The following JMJD1C variants were observed in gnomAD, a reference collection of about 807,000 sequenced individuals.
The protein encoded by JMJD1C is jumonji domain-containing protein 1C.
JMJD1C carries 31 observed loss-of-function variants against 245.3 expected under a neutral mutation model. The ratio of observed to expected loss-of-function variants is 0.13; its 90% CI spans 0.09 to 0.17. The LOEUF (loss-of-function observed/expected upper bound fraction) is 0.17. Among genes scored for constraint, JMJD1C ranks in the 10% least tolerant of loss-of-function variants. The pLI is 1.00. For synonymous variants in JMJD1C, 1,057 were observed against 1,017.4 expected, an observed-to-expected ratio of 1.04 and a Z score of -0.74; for missense variants, 2,691 against 3,000.2, an observed-to-expected ratio of 0.90 and a Z score of 2.41.
chr10:63,308,347 T>A (rs754554739), intron 2 of JMJD1C, among the ~76,000 whole-genome samples: 4 of 152,128 alleles, frequency 2.6e-5, no homozygotes, highest in Non-Finnish European at 5.9e-5. Flanking sequence ...TACTGGAGTT[T>A]GACCCACAAA....
chr10:63,225,780 C>CAAA (rs36089482), intron 3 of JMJD1C, among the ~76,000 whole-genome samples: 1 of 94,638 alleles, frequency 1.1e-5, no homozygotes, highest in Non-Finnish European at 2.3e-5. Flanking sequence ...ACTGCATCTC[C>CAAA]AAAAAAAAAA....
intron 1 of JMJD1C, among the ~76,000 whole-genome samples, chr10:63,484,658 C>G (rs1185798885): frequency 6.6e-6 from 1 of 151,434 alleles, no homozygotes; most frequent in African/African-American, 2.4e-5. Context: ...AAAAAAAAGG[C>G]AAGAATAGAT....
chr10:63,357,851 ACAC>A, intron 2 of JMJD1C, among the ~76,000 whole-genome samples: 1 of 149,206 alleles, frequency 6.7e-6, no homozygotes, highest in Non-Finnish European at 1.5e-5. Flanking sequence ...ACACACACAC[ACAC>A]ACACACACAC....
In JMJD1C at chr10:63,343,366, C is replaced by CA. The variant is rs1186173323; in HGVS notation, c.333+36951dup. ...GGGTGACAAGAGTGAAACTCCATCT[C>CA]AAAAAAAAAACAAAAAAAAAAACAG... is the stretch of plus-strand genomic sequence containing the variant. On this transcript the variant is annotated intron_variant, in intron 2 of 25. Transcript: ENST00000399262. Among the ~76,000 whole-genome samples, 277 of 104,440 alleles carry CA rather than the reference C, an allele frequency of 2.7e-3. 3 individuals are homozygous for CA. In the East Asian group the frequency reaches 0.047, roughly 18 times the overall value. The allele number at this position is 104,440 out of a possible 152,430, so 68.5% of individuals were successfully genotyped here. A position where few individuals can be genotyped will look rare whatever the true frequency, so the allele number is the denominator to read the frequency against.
At chr10:63,293,582 T>C (rs947058544) in intron 2 of JMJD1C, among the ~76,000 whole-genome samples, 2 of 152,166 alleles carry the variant, frequency 1.3e-5, no homozygotes, top group Non-Finnish European at 2.9e-5. Context: ...CTTCAGGTCA[T>C]CCTACTTTTA....
chr10:63,310,368 A>G (rs182963687), intron 2 of JMJD1C, among the ~76,000 whole-genome samples: 25 of 152,354 alleles, frequency 1.6e-4, no homozygotes, highest in Admixed American at 1.2e-3. Flanking sequence ...TTGCCTTGCC[A>G]GATAGCAAGA....
At chr10:63,476,945 G>T (rs1252805209) in intron 1 of JMJD1C, among the ~76,000 whole-genome samples, 2 of 151,886 alleles carry the variant, frequency 1.3e-5, no homozygotes, top group African/African-American at 4.8e-5. Context: ...CATCACTACA[G>T]ATTCTACAAA....
In JMJD1C at chr10:63,202,573, C is replaced by T. The variant is rs148037004; in HGVS notation, c.5075-1896G>A. ...AATCAGGTCCAATTATTAAGCACTT[C>T]TGAATTGCTGCCTCGTTCTTTACAA... On this transcript the variant is annotated intron_variant, in intron 10 of 25. Coordinates refer to ENST00000399262, the MANE Select transcript of JMJD1C (RefSeq NM_032776.3). 5 of 985,408 alleles carry T rather than the reference C, an allele frequency of 5.1e-6. No homozygotes were observed. The East Asian group carries it at 5.7e-4, about 112-fold the overall frequency. 61.0% of individuals were successfully genotyped at this position (985,408 alleles called of 1,614,324 possible).
intron 1 of JMJD1C, among the ~76,000 whole-genome samples, chr10:63,447,474 A>AT (rs1484179557): frequency 2.0e-5 from 3 of 152,202 alleles, no homozygotes; most frequent in African/African-American, 7.2e-5. Flanking sequence ...AAACTTCAAC[A>AT]TATTCTAGAC....
intron 3 of JMJD1C, chr10:63,223,060 C>T: frequency 9.7e-7 from 1 of 1,025,878 alleles, no homozygotes; most frequent in Non-Finnish European, 1.5e-6. Flanking sequence ...TGGTATATGT[C>T]TTCCACTTTC....
At chr10:63,326,542 G>A (rs1465123787) in intron 2 of JMJD1C, among the ~76,000 whole-genome samples, 1 of 151,984 alleles carries the variant, frequency 6.6e-6, no homozygotes, top group Non-Finnish European at 1.5e-5. Context: ...ACTGGTGGAG[G>A]CGGAGAGGTG....
At chr10:63,503,532 T>C (rs1049477360) in intron 1 of JMJD1C, among the ~76,000 whole-genome samples, 2 of 152,194 alleles carry the variant, frequency 1.3e-5, no homozygotes, top group African/African-American at 4.8e-5. Context: ...AAGGTTTCTA[T>C]ACCAGTAATG....
intron 1 of JMJD1C, among the ~76,000 whole-genome samples, chr10:63,428,147 G>T (rs1950548497): frequency 6.8e-6 from 1 of 147,964 alleles, no homozygotes; most frequent in Non-Finnish European, 1.5e-5. Context: ...GAGAGGAGGG[G>T]ACTAAAAAAA....
At chr10:63,463,691 T>C (rs1952964910) in intron 1 of JMJD1C, among the ~76,000 whole-genome samples, 1 of 152,210 alleles carries the variant, frequency 6.6e-6, no homozygotes, top group Non-Finnish European at 1.5e-5. Flanking sequence ...CACATAGGTA[T>C]GGTTCAACAT....
At chr10:63,255,568 G>A (rs772082770) in intron 3 of JMJD1C, among the ~76,000 whole-genome samples, 1 of 152,098 alleles carries the variant, frequency 6.6e-6, no homozygotes, top group Non-Finnish European at 1.5e-5. Flanking sequence ...TCTTGAAATG[G>A]ATGTACCATG....
intron 3 of JMJD1C, among the ~76,000 whole-genome samples, chr10:63,226,825 A>G (rs925606639): frequency 5.9e-5 from 9 of 151,838 alleles, no homozygotes; most frequent in Admixed American, 2.6e-4. Context: ...TGGGAAGCCG[A>G]GGTGGGTGGA....
At chr10:63,485,313 C>G (rs1268312930) in intron 1 of JMJD1C, among the ~76,000 whole-genome samples, 1 of 152,092 alleles carries the variant, frequency 6.6e-6, no homozygotes, top group African/African-American at 2.4e-5. Context: ...GTGCTCTCCT[C>G]TTTCTATACC....
intron 1 of JMJD1C, among the ~76,000 whole-genome samples, chr10:63,453,448 C>T (rs2133036910): frequency 6.6e-6 from 1 of 152,032 alleles, no homozygotes; most frequent in East Asian, 1.9e-4. Flanking sequence ...TCTTGCGGTA[C>T]AAGAAACAGA....
intron 3 of JMJD1C, among the ~76,000 whole-genome samples, chr10:63,263,272 A>G (rs1855028271): frequency 6.6e-6 from 1 of 152,244 alleles, no homozygotes; most frequent in African/African-American, 2.4e-5. Context: ...ATCAAGTGGA[A>G]AGACAAGAGC....
Sources: allele counts gnomAD v4.1 joint callset (sites outside exome capture counted in the v4.1 genomes callset), GRCh38; gene constraint gnomAD v4.1.1; transcripts MANE v1.5; gene names NCBI Gene and HGNC (gene_info 2026-07-23, HGNC 2026-07-21).